The following CLSTN2 variants were observed in gnomAD, a reference collection of about 807,000 sequenced individuals.
The protein encoded by CLSTN2 is calsyntenin 2.
In CLSTN2, 48 loss-of-function variants were observed where a neutral mutation model predicts 101.2. The observed-to-expected ratio is 0.47, with a 90% CI of 0.38 to 0.60. The LOEUF (loss-of-function observed/expected upper bound fraction) is 0.60, where lower values mean the gene tolerates loss of function less well. Among genes scored for constraint, CLSTN2 ranks in the 20% least tolerant of loss-of-function variants. The pLI, the probability that CLSTN2 is intolerant of heterozygous loss-of-function variation, is 0.00. For missense variants in CLSTN2, 1,160 were observed against 1,238.2 expected, an observed-to-expected ratio of 0.94 and a Z score of 0.95; for synonymous variants, 481 against 463.6, an observed-to-expected ratio of 1.04 and a Z score of -0.48.
chr3:140,246,995 C>T (rs2086523977), intron 2 of CLSTN2, among the ~76,000 whole-genome samples: 1 of 152,124 alleles, frequency 6.6e-6, no homozygotes, highest in Non-Finnish European at 1.5e-5. Context: ...TACCTGGGGG[C>T]CATAGTTATG....
intron 2 of CLSTN2, among the ~76,000 whole-genome samples, chr3:140,347,052 G>T (rs1559845214): frequency 6.6e-6 from 1 of 152,148 alleles, no homozygotes; most frequent in Non-Finnish European, 1.5e-5. Flanking sequence ...TTTCAAGGCT[G>T]AACTAAAGTT....
intron 8 of CLSTN2, among the ~76,000 whole-genome samples, chr3:140,476,978 G>A (rs1357463443): frequency 2.0e-5 from 3 of 152,116 alleles, no homozygotes; most frequent in African/African-American, 2.4e-5. Flanking sequence ...ATCTTTTGAA[G>A]CAAAGATCAC....
intron 5 of CLSTN2, among the ~76,000 whole-genome samples, chr3:140,443,960 C>G (rs61351519): frequency 0.039 from 5,984 of 152,250 alleles, 395 homozygotes; most frequent in African/African-American, 0.14. Flanking sequence ...TCAAAGCAAA[C>G]CTCCAGCCCC....
intron 1 of CLSTN2, among the ~76,000 whole-genome samples, chr3:140,094,611 C>G (rs1039646559): frequency 1.3e-5 from 2 of 152,150 alleles, no homozygotes; most frequent in Non-Finnish European, 1.5e-5. Context: ...GTGCTCAAAA[C>G]TCTTTCTAAT....
chr3:140,482,545 G>A (rs931220368), intron 8 of CLSTN2, among the ~76,000 whole-genome samples: 4 of 152,156 alleles, frequency 2.6e-5, no homozygotes, highest in Non-Finnish European at 5.9e-5. Context: ...ACCTCTGGTA[G>A]AATTCAGCTG....
intron 1 of CLSTN2, among the ~76,000 whole-genome samples, chr3:140,023,146 C>A (rs1170229162): frequency 3.9e-5 from 6 of 152,104 alleles, no homozygotes; most frequent in Admixed American, 2.0e-4. Flanking sequence ...ACTGATCTCA[C>A]CCCCAGGGAA....
At chr3:140,203,574 A>G (rs1295229506) in intron 2 of CLSTN2, among the ~76,000 whole-genome samples, 1 of 145,398 alleles carries the variant, frequency 6.9e-6, no homozygotes, top group Non-Finnish European at 1.5e-5. Context: ...ACCACGGTGC[A>G]ATTTGGCGCA....
chr3:140,025,314 G>A (rs1576400924), intron 1 of CLSTN2, among the ~76,000 whole-genome samples: 1 of 152,208 alleles, frequency 6.6e-6, no homozygotes, highest in Non-Finnish European at 1.5e-5. Flanking sequence ...AGAAATGATG[G>A]AAGTTCAGAA....
intron 2 of CLSTN2, among the ~76,000 whole-genome samples, chr3:140,349,298 C>A (rs974543589): frequency 1.3e-5 from 2 of 152,140 alleles, no homozygotes; most frequent in African/African-American, 2.4e-5. Context: ...TTTATAGCAG[C>A]GTGAGAATGG....
chr3:140,479,424 C>G (rs972289387), intron 8 of CLSTN2, among the ~76,000 whole-genome samples: 2 of 152,108 alleles, frequency 1.3e-5, no homozygotes, highest in African/African-American at 4.8e-5. Flanking sequence ...ATGTATTATC[C>G]ATAATATCCA....
At chr3:140,534,036 C>A (rs909079064) in intron 9 of CLSTN2, among the ~76,000 whole-genome samples, 16 of 152,260 alleles carry the variant, frequency 1.1e-4, no homozygotes, top group South Asian at 8.3e-4. Flanking sequence ...CAGTTGCAGG[C>A]TCCCCAGAAT....
intron 1 of CLSTN2, among the ~76,000 whole-genome samples, chr3:140,142,427 C>T (rs958564571): frequency 6.6e-6 from 1 of 152,098 alleles, no homozygotes; most frequent in Non-Finnish European, 1.5e-5. Context: ...GAGAAGGCTT[C>T]GCACCACAGC....
chr3:140,404,700 C>A lies in CLSTN2; in HGVS notation c.571C>A (p.Gln191Lys). 1 of 1,614,216 alleles carries A rather than the reference C, an allele frequency of 6.2e-7. No individual in the cohort carries two copies. Among genetic ancestry groups the A allele is most frequent in the Non-Finnish European group, 8.5e-7 (1 of 1,180,030 alleles). ...VEAIDEDCSPQYSQICNYEIV... is the reference protein window; with the variant it reads ...VEAIDEDCSPKYSQICNYEIV... ...GGCCATTGACGAGGACTGCTCCCCA[C>A]AGTACAGCCAGATCTGCAACTATGA... Residue 191 changes from glutamine to lysine, a missense_variant, in exon 4 of 17, where the codon CAG (glutamine) becomes AAG (lysine). By Grantham distance (53) the Gln-to-Lys change is moderately conservative (BLOSUM62 1). Transcript: ENST00000458420.
chr3:140,083,196 T>C (rs968148200), intron 1 of CLSTN2, among the ~76,000 whole-genome samples: 2 of 152,188 alleles, frequency 1.3e-5, no homozygotes, highest in African/African-American at 4.8e-5. Flanking sequence ...GATTTGAATA[T>C]TTAATGTCGT....
chr3:139,998,772 A>G (rs977535891), intron 1 of CLSTN2, among the ~76,000 whole-genome samples: 40 of 152,178 alleles, frequency 2.6e-4, no homozygotes, highest in African/African-American at 9.4e-4. Flanking sequence ...CAGCTTCAGA[A>G]CTGCAGAGTC....
intron 2 of CLSTN2, among the ~76,000 whole-genome samples, chr3:140,384,710 T>C (rs892267456): frequency 6.6e-6 from 1 of 152,214 alleles, no homozygotes; most frequent in Non-Finnish European, 1.5e-5. Flanking sequence ...CTCCAAGAAT[T>C]GACAGAACAG....
chr3:140,264,427 TAA>T (rs1553726513), intron 2 of CLSTN2, among the ~76,000 whole-genome samples: 2 of 98,758 alleles, frequency 2.0e-5, no homozygotes, highest in Admixed American at 1.1e-4. Flanking sequence ...TATATATATA[TAA>T]AATTAGGCAT....
intron 2 of CLSTN2, among the ~76,000 whole-genome samples, chr3:140,225,986 C>T (rs2086316352): frequency 6.6e-6 from 1 of 151,882 alleles, no homozygotes; most frequent in East Asian, 1.9e-4. Flanking sequence ...TTGGGTGATA[C>T]CAACACAAGC....
intron 5 of CLSTN2, among the ~76,000 whole-genome samples, chr3:140,438,201 T>A (rs2088707870): frequency 1.3e-5 from 2 of 152,110 alleles, no homozygotes; most frequent in African/African-American, 4.8e-5. Context: ...ATACATTTTG[T>A]CAAGCATCTT....
Sources: allele counts gnomAD v4.1 joint callset (sites outside exome capture counted in the v4.1 genomes callset), GRCh38; gene constraint gnomAD v4.1.1; transcripts MANE v1.5; gene names NCBI Gene and HGNC (gene_info 2026-07-23, HGNC 2026-07-21).